Variants in PCDH15 observed in about 807,000 individuals in gnomAD.
The protein encoded by PCDH15 is protocadherin related 15, also known as protocadherin-15.
PCDH15 carries 129 observed loss-of-function variants against 178.5 expected under a neutral mutation model. That is an observed-to-expected ratio of 0.72 (90% CI 0.63 to 0.84). PCDH15 has a LOEUF of 0.84. PCDH15 is among the 40% of genes least tolerant of loss of function. PCDH15 has a pLI of 0.00. For missense variants in PCDH15, 2,230 were observed against 2,099.9 expected (o/e 1.06, Z -1.21); for synonymous variants, 800 against 732.0 (o/e 1.09, Z -1.50).
chr10:54,246,193 T>G (rs1349094907), intron 8 of PCDH15, among the ~76,000 whole-genome samples: 1 of 151,948 alleles, frequency 6.6e-6, no homozygotes, highest in Non-Finnish European at 1.5e-5. Context: ...ATGAGATACC[T>G]TCCTAAATCA....
chr10:53,912,403 T>A (rs554100893), intron 25 of PCDH15, among the ~76,000 whole-genome samples: 3 of 152,182 alleles, frequency 2.0e-5, no homozygotes, highest in Admixed American at 6.5e-5. Context: ...ATGCCCTCTC[T>A]TAACACTCCT....
chr10:53,825,133 T>C, intron 32 of PCDH15: 2 of 1,541,342 alleles, frequency 1.3e-6, no homozygotes, highest in Non-Finnish European at 1.8e-6. Flanking sequence ...ATTATTTACT[T>C]ACTTATGCCT....
chr10:55,441,435 T>G (rs1839181827), intron 2 of PCDH15, among the ~76,000 whole-genome samples: 1 of 145,414 alleles, frequency 6.9e-6, no homozygotes, highest in Admixed American at 7.0e-5. Context: ...AAACAACAAA[T>G]TTGAAAGACC....
In PCDH15 at chr10:55,293,416, G is replaced by T. The variant is rs147966274; in HGVS notation, c.-156+26183C>A. ...TTCTTGGGGATTAACATTCAACTCC[G>T]TCTTACTTATGCAAATTTCTGCAGC... On this transcript the variant is annotated intron_variant, in intron 1 of 5. Transcript: ENST00000458638. Among the ~76,000 whole-genome samples, 1,480 of 152,230 alleles carry T rather than the reference G, an allele frequency of 9.7e-3. 24 individuals are homozygous for T. Among genetic ancestry groups the T allele is most frequent in the African/African-American group, 0.033 (1,350 of 41,534 alleles).
intron 2 of PCDH15, among the ~76,000 whole-genome samples, chr10:55,499,173 C>T (rs1358317165): frequency 4.0e-5 from 6 of 151,518 alleles, no homozygotes; most frequent in African/African-American, 7.3e-5. Flanking sequence ...GGGGAAATAG[C>T]TTATCCAAAC....
intron 1 of PCDH15, among the ~76,000 whole-genome samples, chr10:54,687,437 T>TA (rs540538165): frequency 1.6e-3 from 238 of 152,144 alleles, no homozygotes; most frequent in African/African-American, 5.4e-3. Flanking sequence ...AGTACATGAA[T>TA]AAAAAAATGT....
intron 18 of PCDH15, among the ~76,000 whole-genome samples, chr10:54,056,853 A>G (rs1194430821): frequency 2.0e-5 from 3 of 152,154 alleles, no homozygotes; most frequent in African/African-American, 7.2e-5. Flanking sequence ...TACTTCCTAG[A>G]TACACTGGGG....
At chr10:55,131,473 T>C (rs1419263) in intron 2 of PCDH15, among the ~76,000 whole-genome samples, 145,483 of 152,262 alleles carry the variant, frequency 0.96, 69,736 homozygotes, top group Middle Eastern at 1. Flanking sequence ...GCGGTGGAGG[T>C]ATGTTTCAGC....
In PCDH15 at chr10:55,067,282, G is replaced by T. The variant is rs1393755926; in HGVS notation, c.-80+99294C>A. ...TAGTATCTAACATTCTACTCTGTGTGTCCATGAGATCAAGTTTTTTGGTTC... is the reference window on the plus strand; with the variant it reads ...TAGTATCTAACATTCTACTCTGTGTTTCCATGAGATCAAGTTTTTTGGTTC... On this transcript the variant is annotated intron_variant, in intron 2 of 5. Transcript: ENST00000458638. Among the ~76,000 whole-genome samples the T allele has an allele frequency of 6.6e-5, 10 of 151,920 alleles. No homozygotes were observed. The East Asian group carries it at 1.9e-3, about 29-fold the overall frequency.
chr10:55,321,083 AAAAG>A (rs887216616), upstream of PCDH15, among the ~76,000 whole-genome samples: 4 of 152,154 alleles, frequency 2.6e-5, no homozygotes, highest in African/African-American at 7.2e-5. Flanking sequence ...ATGGCCATTG[AAAAG>A]AAAGAAGGAA....
intron 2 of PCDH15, among the ~76,000 whole-genome samples, chr10:54,558,984 A>G (rs1223158213): frequency 6.6e-6 from 1 of 152,104 alleles, no homozygotes; most frequent in Non-Finnish European, 1.5e-5. Context: ...AGTTTCTGAT[A>G]GCCAAAGAAT....
At chr10:55,568,724 A>C (rs1347529916) in intron 2 of PCDH15, among the ~76,000 whole-genome samples, 1 of 152,084 alleles carries the variant, frequency 6.6e-6, no homozygotes, top group East Asian at 1.9e-4. Context: ...TGTCATTCAC[A>C]GATTCCACAC....
chr10:54,095,814 A>G (rs1247346093), intron 15 of PCDH15, among the ~76,000 whole-genome samples: 6 of 152,162 alleles, frequency 3.9e-5, no homozygotes, highest in Non-Finnish European at 8.8e-5. Context: ...GTCTTAAAAA[A>G]ATTTTGTTGT....
At position 53,826,232 on chromosome 10, in the gene PCDH15, A is replaced by AAAT. The variant is rs552358798; in HGVS notation, c.4367+1158_4367+1160dup. Among the ~76,000 whole-genome samples the AAAT allele has an allele frequency of 5.8e-3, 877 of 152,056 alleles. 9 individuals are homozygous for AAAT. The highest frequency in any genetic ancestry group is 0.02 in the African/African-American group (812 of 41,542). On this transcript the variant is annotated intron_variant, in intron 32 of 37. Coordinates refer to ENST00000644397, the MANE Select transcript of PCDH15 (RefSeq NM_001384140.1). ...ACCCTGTATTATGTCCTTATTTTGG[A>AAAT]AATAGAATGTCATGCTTTAACCTAT...
At chr10:54,838,333 TGA>T (rs992911007) in intron 3 of PCDH15, among the ~76,000 whole-genome samples, 1 of 152,086 alleles carries the variant, frequency 6.6e-6, no homozygotes, top group Non-Finnish European at 1.5e-5. Context: ...TGATAGTAAG[TGA>T]GTCTCATGAG....
chr10:54,804,948 T>TATATATATATATATATATATATATAC (rs905516559), upstream of PCDH15, among the ~76,000 whole-genome samples: 606 of 127,020 alleles, frequency 4.8e-3, 20 homozygotes, highest in East Asian at 0.016. Context: ...TATATATATA[T>TATATATATATATATATATATATATAC]ACAGAGTTTG....
chr10:54,705,761 T>C (rs959982843), intron 1 of PCDH15, among the ~76,000 whole-genome samples: 2 of 152,216 alleles, frequency 1.3e-5, no homozygotes, highest in African/African-American at 4.8e-5. Context: ...ACTTAATATT[T>C]ACTGGCTCTT....
intron 1 of PCDH15, among the ~76,000 whole-genome samples, chr10:55,261,878 G>A (rs888134386): frequency 6.6e-6 from 1 of 152,136 alleles, no homozygotes; most frequent in Non-Finnish European, 1.5e-5. Flanking sequence ...AAAGCCAATT[G>A]TTATTGCACT....
At chr10:54,147,523 G>A (rs971364377) in intron 14 of PCDH15, among the ~76,000 whole-genome samples, 2 of 151,728 alleles carry the variant, frequency 1.3e-5, no homozygotes, top group African/African-American at 4.8e-5. Flanking sequence ...AGGAATATAA[G>A]ATCTCATTCA....
Sources: allele counts gnomAD v4.1 joint callset (sites outside exome capture counted in the v4.1 genomes callset), GRCh38; gene constraint gnomAD v4.1.1; transcripts MANE v1.5; gene names NCBI Gene and HGNC (gene_info 2026-07-23, HGNC 2026-07-21).